Variants in SAE1 observed in about 807,000 individuals in gnomAD.
SAE1 encodes SUMO-activating enzyme subunit 1.
SAE1 carries 11 observed loss-of-function variants against 40.6 expected under a neutral mutation model. The observed-to-expected ratio is 0.27, with a 90% CI of 0.17 to 0.45. The LOEUF is 0.45. Among genes scored for constraint, SAE1 ranks in the 20% least tolerant of loss-of-function variants. The pLI is 1.00. For synonymous variants in SAE1, 155 were observed against 154.3 expected (o/e 1.00, Z -0.03); for missense variants, 373 against 427.3 (o/e 0.87, Z 1.12).
At chr19:47,163,616 A>C (rs2058372217) in intron 5 of SAE1, among the ~76,000 whole-genome samples, 1 of 152,056 alleles carries the variant, frequency 6.6e-6, no homozygotes, top group African/African-American at 2.4e-5. Context: ...AATCCCAGCT[A>C]CTCAGGAGGC....
intron 6 of SAE1, among the ~76,000 whole-genome samples, chr19:47,188,538 G>A (rs901345307): frequency 4.1e-4 from 63 of 152,256 alleles, no homozygotes; most frequent in Middle Eastern, 3.4e-3. Flanking sequence ...CAAGTGTATC[G>A]GCTTTTCTAG....
At chr19:47,133,931 C>T (rs1478934174) in intron 1 of SAE1, among the ~76,000 whole-genome samples, 6 of 150,440 alleles carry the variant, frequency 4.0e-5, no homozygotes, top group African/African-American at 9.8e-5. Context: ...GGCATGGTCT[C>T]GGCTCACTGC....
chr19:47,163,416 T>C (rs1010913669), intron 5 of SAE1, among the ~76,000 whole-genome samples: 1 of 152,170 alleles, frequency 6.6e-6, no homozygotes, highest in Non-Finnish European at 1.5e-5. Flanking sequence ...GTATTATAAG[T>C]AATCTAGAGA....
chr19:47,163,178 T>C (rs978819376), intron 5 of SAE1, among the ~76,000 whole-genome samples: 1 of 151,964 alleles, frequency 6.6e-6, no homozygotes, highest in Non-Finnish European at 1.5e-5. Flanking sequence ...TTAGCTCTCC[T>C]TATTAATGGG....
intron 4 of SAE1, among the ~76,000 whole-genome samples, chr19:47,154,091 CTAT>C (rs961388690): frequency 6.9e-6 from 1 of 145,776 alleles, no homozygotes; most frequent in East Asian, 2.1e-4. Context: ...CCGCACCCGG[CTAT>C]TATTATTATT....
chr19:47,166,197 G>A (rs948762898), intron 5 of SAE1, among the ~76,000 whole-genome samples: 10 of 152,130 alleles, frequency 6.6e-5, no homozygotes, highest in African/African-American at 2.4e-4. Context: ...GGTGAGAAAG[G>A]ATGAGCTGGG....
At chr19:47,141,043 G>T (rs1039519754) in intron 1 of SAE1, among the ~76,000 whole-genome samples, 1 of 151,234 alleles carries the variant, frequency 6.6e-6, no homozygotes, top group African/African-American at 2.4e-5. Context: ...ACAGAGTCTC[G>T]CTGTGTCACC....
chr19:47,181,510 A>C, intron 6 of SAE1, among the ~76,000 whole-genome samples: 1 of 110,738 alleles, frequency 9.0e-6, no homozygotes, highest in African/African-American at 3.7e-5. Context: ...ATGGAGTCTC[A>C]CTCTGTCGCC....
At chr19:47,139,420 A>G (rs766449585) in intron 1 of SAE1, among the ~76,000 whole-genome samples, 5 of 151,898 alleles carry the variant, frequency 3.3e-5, no homozygotes, top group Non-Finnish European at 7.4e-5. Flanking sequence ...TCATGGGCTC[A>G]AGTGATCCTC....
chr19:47,200,061 G>A (rs1013691412), intron 7 of SAE1, among the ~76,000 whole-genome samples: 1 of 151,824 alleles, frequency 6.6e-6, no homozygotes, highest in African/African-American at 2.4e-5. Context: ...CTCCCCAGTA[G>A]CTGGGATAAC....
rs565930495 is a variant in SAE1 at position 47,135,927 on chromosome 19, C to T, written c.98+4899C>T. On this transcript the variant is annotated intron_variant, in intron 1 of 8. Transcript: ENST00000270225. The stretch of plus-strand genomic sequence containing the variant: ...CACGCCATTCTCCTGCCTCAGCCTC[C>T]CTAGTAGCTGGGACTACAGGTGCCC... 2.0e-5 allele frequency among the ~76,000 whole-genome samples: 3 copies of T among 152,180 alleles called. No individual in the cohort carries two copies. In the East Asian group the frequency reaches 5.8e-4, roughly 29 times the overall value.
At chr19:47,200,482 C>T (rs2058646814) in intron 7 of SAE1, among the ~76,000 whole-genome samples, 1 of 144,018 alleles carries the variant, frequency 6.9e-6, no homozygotes, top group South Asian at 2.1e-4. Context: ...AAGTTATGAA[C>T]CGCATAACAA....
chr19:47,190,131 C>T (rs1446490439), intron 6 of SAE1, among the ~76,000 whole-genome samples: 2 of 152,128 alleles, frequency 1.3e-5, no homozygotes, highest in Non-Finnish European at 2.9e-5. Flanking sequence ...TGAATGTCAT[C>T]CCCCCAGACT....
chr19:47,184,446 T>A (rs1469556893), intron 6 of SAE1, among the ~76,000 whole-genome samples: 1 of 152,176 alleles, frequency 6.6e-6, no homozygotes, highest in African/African-American at 2.4e-5. Context: ...GTCTTGCTCT[T>A]GTCGCCCAGG....
At chr19:47,186,853 G>T (rs550848546) in intron 6 of SAE1, among the ~76,000 whole-genome samples, 2 of 152,296 alleles carry the variant, frequency 1.3e-5, no homozygotes, top group East Asian at 3.9e-4. Flanking sequence ...CACTCCAGAG[G>T]TGAAGTTTTC....
chr19:47,197,212 C>G (rs745494450), intron 6 of SAE1, 21 bp from the exon 7 acceptor site: 2 of 1,581,440 alleles, frequency 1.3e-6, no homozygotes, highest in Admixed American at 3.9e-5. Context: ...TTATAACCTG[C>G]CTTCTTTTTC....
intron 3 of SAE1, among the ~76,000 whole-genome samples, chr19:47,152,614 C>T (rs996284812): frequency 2.0e-5 from 3 of 152,078 alleles, no homozygotes; most frequent in African/African-American, 4.8e-5. Flanking sequence ...TGTATATGTT[C>T]GTGGATTACA....
chr19:47,133,925 T>A (rs2058162983), intron 1 of SAE1, among the ~76,000 whole-genome samples: 1 of 150,852 alleles, frequency 6.6e-6, no homozygotes, highest in South Asian at 2.1e-4. Context: ...TGCAGTGGCA[T>A]GGTCTCGGCT....
chr19:47,153,894 C>G (rs571548984), intron 4 of SAE1, among the ~76,000 whole-genome samples: 1 of 151,090 alleles, frequency 6.6e-6, no homozygotes, highest in South Asian at 2.1e-4. Flanking sequence ...TGGGTTCAAG[C>G]CATTCTCCTG....
Sources: allele counts gnomAD v4.1 joint callset (sites outside exome capture counted in the v4.1 genomes callset), GRCh38; gene constraint gnomAD v4.1.1; transcripts MANE v1.5; gene names NCBI Gene and HGNC (gene_info 2026-07-23, HGNC 2026-07-21).